The following LONRF2 variants were observed in gnomAD, a reference collection of about 807,000 sequenced individuals.
The protein encoded by LONRF2 is LON peptidase N-terminal domain and ring finger 2, also known as LON peptidase N-terminal domain and RING finger protein 2.
LONRF2 carries 35 observed loss-of-function variants against 66.6 expected under a neutral mutation model. The ratio of observed to expected loss-of-function variants is 0.53; its 90% CI spans 0.40 to 0.70. The LOEUF is 0.70. Among genes scored for constraint, LONRF2 ranks in the 30% least tolerant of loss-of-function variants. LONRF2 has a pLI of 0.00. For missense variants in LONRF2, 902 were observed against 1,002.1 expected, an observed-to-expected ratio of 0.90 and a Z score of 1.35; for synonymous variants, 417 against 418.1, an observed-to-expected ratio of 1.00 and a Z score of 0.03.
chr2:100,321,857 G>A lies in LONRF2; in HGVS notation c.237C>T (p.Gly79=). 1.7e-6 allele frequency: 2 copies of A among 1,186,222 alleles called. No individual in the cohort carries two copies. Among genetic ancestry groups the A allele is most frequent in the Non-Finnish European group, 2.1e-6 (2 of 961,268 alleles). The allele number at this position is 1,186,222 out of a possible 1,614,324, so 73.5% of individuals were successfully genotyped here. ...ARAGRLPEAL[G]AFRGAARLGA... ...CGAGCCGCGCGGCGCCGCGGAACGC[G>A]CCCAGGGCTTCGGGGAGGCGGCCGG... Residue 79 remains glycine (G), a synonymous_variant, in exon 1 of 12, where the codon GGC becomes GGT. Transcript: ENST00000393437.
intron 10 of LONRF2, among the ~76,000 whole-genome samples, chr2:100,288,383 C>T (rs887763396): frequency 2.6e-5 from 4 of 152,200 alleles, no homozygotes; most frequent in African/African-American, 4.8e-5. Flanking sequence ...GGGGTGGCTA[C>T]GTACCCTCAC....
Position 100,286,972 on chromosome 2 carries a change from A to C in LONRF2, c.2012T>G (p.Met671Arg), listed in dbSNP as rs1444859084. 37 of 1,614,084 alleles carry C rather than the reference A, an allele frequency of 2.3e-5. No individual in the cohort carries two copies. Among genetic ancestry groups the C allele is most frequent in the Non-Finnish European group, 3.0e-5 (35 of 1,180,028 alleles). Reference sequence around the variant, plus strand: ...AAAATGACTTAAAATTTGTTCTTTCATGCGATCCTGGAGAGACGCGAACCA... The same window carrying C: ...AAAATGACTTAAAATTTGTTCTTTCCTGCGATCCTGGAGAGACGCGAACCA... ...VSWFASLQDR[M>R]KEQILSHFGV... The change falls in exon 11 of 12, where the codon ATG becomes AGG. Residue 671 changes from methionine to arginine, a missense_variant. Transcript: ENST00000393437.
intron 2 of LONRF2, among the ~76,000 whole-genome samples, chr2:100,304,220 A>G (rs1054880725): frequency 6.6e-6 from 1 of 151,940 alleles, no homozygotes; most frequent in South Asian, 2.1e-4. Context: ...TGGCATGATC[A>G]CATCTCACTG....
intron 1 of LONRF2, among the ~76,000 whole-genome samples, chr2:100,315,295 G>A (rs1347492085): frequency 6.8e-6 from 1 of 147,936 alleles, no homozygotes; most frequent in African/African-American, 2.7e-5. Flanking sequence ...CCTCTATATT[G>A]ACCTTGTAGT....
Position 100,295,674 on chromosome 2 carries a change from G to A in LONRF2, c.1477-121C>T, listed in dbSNP as rs189988181. 102 of 952,996 alleles carry A rather than the reference G, an allele frequency of 1.1e-4. 1 individual carries two copies. Among genetic ancestry groups the A allele is most frequent in the Non-Finnish European group, 1.4e-4 (93 of 654,134 alleles). 59.0% of individuals were successfully genotyped at this position (952,996 alleles called of 1,614,324 possible). A position where few individuals can be genotyped will look rare whatever the true frequency, so the allele number is the denominator to read the frequency against. On this transcript the variant is annotated intron_variant, in intron 7 of 11. Coordinates refer to ENST00000393437, the MANE Select transcript of LONRF2 (RefSeq NM_198461.4). ...ATCTCTGAGCAGGTAAGAAGGAAAA[G>A]GGATGGAGAGAGAGGCGGGCCAGCC...
At chr2:100,306,785 T>G (rs907616571) in intron 2 of LONRF2, among the ~76,000 whole-genome samples, 7 of 152,168 alleles carry the variant, frequency 4.6e-5, no homozygotes, top group African/African-American at 1.7e-4. Flanking sequence ...AGTCTTCCCC[T>G]CAGTGAACTT....
rs570692485 is a variant in LONRF2, at chr2:100,319,235, T to C, written c.679+2180A>G. 2.7e-4 allele frequency among the ~76,000 whole-genome samples: 41 copies of C among 152,300 alleles called. 1 individual carries two copies. In the South Asian group the frequency reaches 7.9e-3, roughly 29 times the overall value. ...ACCTCTTTAAAAGGGCTAATTTATT[T>C]TGAAATTAAATGTTTTCATAAAATT... On this transcript the variant is annotated intron_variant, in intron 1 of 11. Coordinates refer to ENST00000393437, the MANE Select transcript of LONRF2 (RefSeq NM_198461.4).
At position 100,306,709 on chromosome 2, in the gene LONRF2, A is replaced by T. The variant is rs1377386193; in HGVS notation, c.798+2398T>A. ...AACCCACCTCCCCCCAGAATCTAGA[A>T]GTGCTTCTCAAAGTGCTTGGTTCTA... On this transcript the variant is annotated intron_variant, in intron 2 of 11. Transcript: ENST00000393437. 2.0e-5 allele frequency among the ~76,000 whole-genome samples: 3 copies of T among 152,076 alleles called. No individual in the cohort carries two copies. The East Asian group carries it at 5.8e-4, about 29-fold the overall frequency.
At position 100,300,706 on chromosome 2, in the gene LONRF2, G is replaced by A; in HGVS notation, c.1003C>T (p.Gln335Ter). The change falls in exon 4 of 12, where the codon CAG (glutamine) becomes TAG (stop). Residue 335 changes from glutamine to a stop codon, truncating the protein, a stop_gained. Coordinates refer to ENST00000393437, the MANE Select transcript of LONRF2 (RefSeq NM_198461.4). LOFTEE classifies it high-confidence loss of function. ...TSSIQSRLKA[Q>*]GHSHMNAQAL... ...TGGGCATTCATGTGGCTGTGACCCT[G>A]AGCCTTTAATCTGCTTTGGATGGAA... 1 of 1,613,796 alleles carries A rather than the reference G, an allele frequency of 6.2e-7. No individual in the cohort carries two copies. The highest frequency in any genetic ancestry group is 8.5e-7 in the Non-Finnish European group (1 of 1,179,908).
At chr2:100,300,865 G>A in intron 3 of LONRF2, 78 bp from the exon 4 acceptor site, 1 of 1,181,726 alleles carries the variant, frequency 8.5e-7, no homozygotes, top group Admixed American at 3.6e-5. Context: ...TATAGATTCA[G>A]AGGAAACTAA....
chr2:100,300,246 T>C (rs1396002807), intron 4 of LONRF2, among the ~76,000 whole-genome samples: 10 of 90,574 alleles, frequency 1.1e-4, no homozygotes, highest in Admixed American at 1.1e-3. Flanking sequence ...ATCATCCCTT[T>C]GCTTTATTTT....
In LONRF2 at chr2:100,298,826, G is replaced by C. The variant is rs368415921; in HGVS notation, c.1476+10C>G. The C allele has an allele frequency of 6.2e-7, 1 of 1,600,962 alleles. No homozygotes were observed. Among genetic ancestry groups the C allele is most frequent in the African/African-American group, 1.3e-5 (1 of 74,702 alleles). On this transcript the variant is annotated intron_variant, in intron 7 of 11. Coordinates refer to ENST00000393437, the MANE Select transcript of LONRF2 (RefSeq NM_198461.4). ...AGGAGCTGTCCCGTCATTTCCTAAA[G>C]TGTACTTACTTCCGAAAGTTTGTCT...
rs1470363891 is a variant in LONRF2, at chr2:100,282,940, T to C, written c.*1358A>G. On this transcript the variant is annotated 3_prime_UTR_variant, in exon 12 of 12. Transcript: ENST00000393437. ...GGATTGATATACCATCAACATTGTA[T>C]ATTATGAGATATATATATTTTAAAA... 2.0e-5 allele frequency: 3 copies of C among 152,212 alleles called. No homozygotes were observed. In the South Asian group the frequency reaches 6.2e-4, roughly 31 times the overall value. The allele number at this position is 152,212 out of a possible 1,614,324, so 9.4% of individuals were successfully genotyped here. A position where few individuals can be genotyped will look rare whatever the true frequency, so the allele number is the denominator to read the frequency against.
intron 1 of LONRF2, among the ~76,000 whole-genome samples, chr2:100,312,429 G>C (rs574300819): frequency 3.1e-4 from 47 of 152,026 alleles, no homozygotes; most frequent in Non-Finnish European, 5.9e-4. Flanking sequence ...ATTTTTTTCT[G>C]TTTTACTAAT....
rs2033748 is a variant in LONRF2 at position 100,299,844 on chromosome 2, A to G, written c.1140T>C (p.Phe380=). ...TTTCTAACGCCTTTTTATCCTCTTC[A>G]AAGTGTAGACCCAGTATAAAATACA... ...SVLYFILGLH[F]EEDKKALESI... The change falls in exon 5 of 12, where the codon TTT becomes TTC. Residue 380 remains phenylalanine (F), a synonymous_variant. Transcript: ENST00000393437. 0.67 allele frequency: 1,072,885 copies of G among 1,610,834 alleles called. 361,803 individuals carry two copies. Among genetic ancestry groups the G allele is most frequent in the East Asian group, 0.96 (43,061 of 44,838 alleles).
intron 10 of LONRF2, among the ~76,000 whole-genome samples, chr2:100,287,500 T>C (rs1223456452): frequency 6.6e-6 from 1 of 152,236 alleles, no homozygotes; most frequent in African/African-American, 2.4e-5. Flanking sequence ...TTCCTCAGTG[T>C]AGTTTCCTAG....
chr2:100,288,454 TTCC>T (rs1320775626), intron 10 of LONRF2, among the ~76,000 whole-genome samples: 1 of 152,232 alleles, frequency 6.6e-6, no homozygotes, highest in Non-Finnish European at 1.5e-5. Flanking sequence ...TTCCAAGGAT[TTCC>T]TCCTTTTAAG....
At position 100,299,872 on chromosome 2, in the gene LONRF2, A is replaced by G. The variant is rs1265649296; in HGVS notation, c.1112T>C (p.Val371Ala). Reference sequence around the variant, plus strand: ...GTGTAGACCCAGTATAAAATACAAAACTGAAGAATTGGTATTTCCAAGCAT... The same window carrying G: ...GTGTAGACCCAGTATAAAATACAAAGCTGAAGAATTGGTATTTCCAAGCAT... ...SDMLGNTNSS[V>A]LYFILGLHFE... Residue 371 changes from valine (V) to alanine (A), a missense_variant, in exon 5 of 12, where the codon GTT (valine) becomes GCT (alanine). Val to Ala is a moderately conservative substitution (Grantham distance 64). This residue lies in a region of LONRF2 where 585 missense variants were observed against 569.9 expected (regional missense o/e 1.03). Coordinates refer to ENST00000393437, the MANE Select transcript of LONRF2 (RefSeq NM_198461.4). 1 of 1,612,326 alleles carries G rather than the reference A, an allele frequency of 6.2e-7. No homozygotes were observed. The highest frequency in any genetic ancestry group is 1.3e-5 in the African/African-American group (1 of 74,868).
chr2:100,322,426 G>A lies in LONRF2; in HGVS notation c.-333C>T, dbSNP rs1675660537. The A allele has an allele frequency of 4.8e-6, 1 of 208,098 alleles. No homozygotes were observed. Among genetic ancestry groups the A allele is most frequent in the Non-Finnish European group, 9.5e-6 (1 of 104,846 alleles). 12.9% of individuals were successfully genotyped at this position (208,098 alleles called of 1,614,324 possible). ...GGCTTAGGTAACCCAGGTCGCTGCG[G>A]TAACGCAGTGACCGCGCTCCAGGTC... On this transcript the variant is annotated 5_prime_UTR_variant, in exon 1 of 12. Transcript: ENST00000393437.
Sources: gnomAD v4.1 joint callset for allele counts (sites outside exome capture counted in the v4.1 genomes callset) on GRCh38, gnomAD v4.1.1 for gene constraint, gnomAD v4.1.1 regional missense constraint, MANE v1.5 for transcripts, NCBI Gene and HGNC (gene_info 2026-07-23, HGNC 2026-07-21) for gene names.